The following DENND1B variants were observed in gnomAD, a reference collection of about 807,000 sequenced individuals.
The protein encoded by DENND1B is DENN domain containing 1B.
DENND1B carries 59 observed loss-of-function variants against 90.1 expected under a neutral mutation model. The observed-to-expected ratio is 0.65, with a 90% CI of 0.53 to 0.81. The LOEUF is 0.81. Ranked by LOEUF, DENND1B falls within the 40% of genes least tolerant of loss-of-function variation. The probability of loss-of-function intolerance (pLI) is 0.00; values close to 1 mark genes in which losing one functional copy is unlikely to be tolerated. For missense variants in DENND1B, 862 were observed against 912.6 expected, an observed-to-expected ratio of 0.94 and a Z score of 0.71; for synonymous variants, 337 against 324.6, an observed-to-expected ratio of 1.04 and a Z score of -0.41.
chr1:197,581,971 G>C (rs1674286652), intron 15 of DENND1B, among the ~76,000 whole-genome samples: 1 of 152,146 alleles, frequency 6.6e-6, no homozygotes, highest in South Asian at 2.1e-4. Context: ...ACTATCACTT[G>C]ATCTTCCTTT....
intron 3 of DENND1B, among the ~76,000 whole-genome samples, chr1:197,693,436 A>G (rs574169069): frequency 7.8e-4 from 119 of 151,834 alleles, no homozygotes; most frequent in Non-Finnish European, 1.5e-3. Flanking sequence ...GTGCCCAAAT[A>G]TTAAGCAAAT....
At chr1:197,693,425 G>T (rs1658110243) in intron 3 of DENND1B, among the ~76,000 whole-genome samples, 1 of 151,408 alleles carries the variant, frequency 6.6e-6, no homozygotes, top group Non-Finnish European at 1.5e-5. Flanking sequence ...TTCATTTAAA[G>T]GTGCCCAAAT....
chr1:197,542,033 A>G (rs985973437), intron 18 of DENND1B, among the ~76,000 whole-genome samples: 2 of 152,184 alleles, frequency 1.3e-5, no homozygotes, highest in African/African-American at 4.8e-5. Flanking sequence ...CTTCCTTCAG[A>G]TAACCTGGAA....
intron 2 of DENND1B, chr1:197,735,657 T>TG (rs752208768): frequency 2.9e-4 from 470 of 1,614,048 alleles, no homozygotes; most frequent in Non-Finnish European, 3.7e-4. Flanking sequence ...GCTATGCGGT[T>TG]TCAGCCGGTA....
At position 197,510,771 on chromosome 1, in the gene DENND1B, C is replaced by T. The variant is rs368092793; in HGVS notation, c.2017G>A (p.Gly673Ser). Residue 673 changes from glycine (G) to serine (S), a missense_variant, in exon 23 of 23, where the codon GGT (glycine) becomes AGT (serine). Physicochemically the swap from Gly to Ser is moderately conservative, Grantham distance 56 (BLOSUM62 0). Coordinates refer to ENST00000620048, the MANE Select transcript of DENND1B (RefSeq NM_001195215.2). ...GTAGGGTCACTCACATTGTCAGCAC[C>T]GAGGTGCTTGTTACTGTTTTCCTCT... The part of the protein sequence containing the change: ...LKEENSNKHL[G>S]ADNVSDPTSG... 5.6e-6 allele frequency: 9 copies of T among 1,612,438 alleles called. No homozygotes were observed. The highest frequency in any genetic ancestry group is 1.1e-5 in the South Asian group (1 of 91,016).
intron 16 of DENND1B, among the ~76,000 whole-genome samples, chr1:197,551,299 C>T (rs554429390): frequency 3.3e-5 from 5 of 152,128 alleles, no homozygotes; most frequent in South Asian, 2.1e-4. Context: ...AAATTTCTAA[C>T]GGACTTTCTT....
rs1393020208 is a variant in DENND1B at position 197,507,793 on chromosome 1, A to C, written c.*2667T>G. On this transcript the variant is annotated 3_prime_UTR_variant, in exon 23 of 23. Coordinates refer to ENST00000620048, the MANE Select transcript of DENND1B (RefSeq NM_001195215.2). ...ATTTCATTCTCACTATAACCACCAT[A>C]ATACTAGGAAGTCTAAGTTTAAGAG... The C allele has an allele frequency of 6.6e-6, 1 of 151,596 alleles. No homozygotes were observed. Among genetic ancestry groups the C allele is most frequent in the Non-Finnish European group, 1.5e-5 (1 of 67,720 alleles). The allele number at this position is 151,596 out of a possible 1,614,324, so 9.4% of individuals were successfully genotyped here.
At chr1:197,740,360 T>C (rs1663104643) in intron 2 of DENND1B, among the ~76,000 whole-genome samples, 4 of 152,238 alleles carry the variant, frequency 2.6e-5, no homozygotes, top group East Asian at 1.9e-4. Context: ...GCCAGTTATA[T>C]GGAGCCTTGT....
chr1:197,631,903 C>G (rs1222833126), intron 10 of DENND1B, among the ~76,000 whole-genome samples: 1 of 151,874 alleles, frequency 6.6e-6, no homozygotes, highest in Non-Finnish European at 1.5e-5. Context: ...AGAACTGTCC[C>G]CTTATAAAGC....
chr1:197,546,515 G>A (rs980634414), intron 17 of DENND1B, among the ~76,000 whole-genome samples: 1 of 152,018 alleles, frequency 6.6e-6, no homozygotes, highest in East Asian at 1.9e-4. Flanking sequence ...TTTTCAAAAT[G>A]AGCCATTTAT....
intron 2 of DENND1B, among the ~76,000 whole-genome samples, chr1:197,753,635 G>A (rs1653856229): frequency 6.6e-6 from 1 of 152,036 alleles, no homozygotes; most frequent in African/African-American, 2.4e-5. Flanking sequence ...AAGCTGTGCA[G>A]ATGTCAGGGC....
At position 197,507,274 on chromosome 1, in the gene DENND1B, A is replaced by C. The variant is rs1298547533; in HGVS notation, c.*3186T>G. ...CAGTTATTTTATTTCCCATATCCTCAGTTACTGTACCCTGCATATGACTGG... is the reference window on the plus strand; with the variant it reads ...CAGTTATTTTATTTCCCATATCCTCCGTTACTGTACCCTGCATATGACTGG... On this transcript the variant is annotated 3_prime_UTR_variant, in exon 23 of 23. Transcript: ENST00000620048. 1 of 150,872 alleles carries C rather than the reference A, an allele frequency of 6.6e-6. No homozygotes were observed. Among genetic ancestry groups the C allele is most frequent in the African/African-American group, 2.4e-5 (1 of 41,222 alleles). 9.3% of individuals were successfully genotyped at this position (150,872 alleles called of 1,614,324 possible). A position where few individuals can be genotyped will look rare whatever the true frequency, so the allele number is the denominator to read the frequency against.
intron 9 of DENND1B, among the ~76,000 whole-genome samples, chr1:197,645,256 G>A (rs1338872577): frequency 6.6e-6 from 1 of 151,866 alleles, no homozygotes; most frequent in Non-Finnish European, 1.5e-5. Context: ...TTATATACAA[G>A]GAATATAAAA....
At chr1:197,583,450 A>C (rs1674421410) in intron 14 of DENND1B, among the ~76,000 whole-genome samples, 197 bp from the exon 15 acceptor site, 1 of 152,176 alleles carries the variant, frequency 6.6e-6, no homozygotes, top group South Asian at 2.1e-4. Context: ...CTAATCCAGG[A>C]TCCCATGTAC....
chr1:197,720,566 A>AC (rs573290156), intron 2 of DENND1B, among the ~76,000 whole-genome samples: 1,186 of 45,174 alleles, frequency 0.026, 7 homozygotes, highest in African/African-American at 0.13. Flanking sequence ...ATTCAGCCTG[A>AC]TTAAAAAAAA....
intron 2 of DENND1B, among the ~76,000 whole-genome samples, chr1:197,721,667 A>G (rs951323774): frequency 4.6e-5 from 7 of 152,184 alleles, no homozygotes; most frequent in East Asian, 3.9e-4. Flanking sequence ...AAATATGACA[A>G]TAAATAATTT....
intron 15 of DENND1B, among the ~76,000 whole-genome samples, chr1:197,582,398 C>T (rs1291297245): frequency 7.2e-5 from 11 of 152,118 alleles, no homozygotes; most frequent in African/African-American, 2.4e-5. Context: ...GCCCTGAGCA[C>T]AGTTTATGAC....
chr1:197,696,265 T>C (rs914273896), intron 3 of DENND1B, among the ~76,000 whole-genome samples: 18 of 151,694 alleles, frequency 1.2e-4, no homozygotes, highest in African/African-American at 4.3e-4. Flanking sequence ...TATTCATTCT[T>C]ACAGTTATAC....
intron 7 of DENND1B, among the ~76,000 whole-genome samples, chr1:197,651,795 A>G: frequency 6.6e-6 from 1 of 151,304 alleles, no homozygotes; most frequent in Admixed American, 6.6e-5. Context: ...AGCTGGGACT[A>G]CAGGCGCCTG....
Sources: gnomAD v4.1 joint callset for allele counts (sites outside exome capture counted in the v4.1 genomes callset) on GRCh38, gnomAD v4.1.1 for gene constraint, MANE v1.5 for transcripts, NCBI Gene and HGNC (gene_info 2026-07-23, HGNC 2026-07-21) for gene names.